Variants in CYB5R2 observed in about 807,000 individuals in gnomAD.
CYB5R2 encodes the protein NADH-cytochrome b5 reductase 2.
In CYB5R2, 35 loss-of-function variants were observed where a neutral mutation model predicts 29.8. The observed-to-expected ratio is 1.17, with a 90% CI of 0.90 to 1.56. The LOEUF (loss-of-function observed/expected upper bound fraction) is 1.56, where lower values mean the gene tolerates loss of function less well. Ranked by LOEUF, CYB5R2 falls within the 40% of genes most tolerant of loss-of-function variation. The probability of loss-of-function intolerance (pLI) is 0.00; values close to 1 mark genes in which losing one functional copy is unlikely to be tolerated. For synonymous variants in CYB5R2, 169 were observed against 130.6 expected, an observed-to-expected ratio of 1.29 and a Z score of -2.01; for missense variants, 419 against 346.7, an observed-to-expected ratio of 1.21 and a Z score of -1.66.
In CYB5R2 at chr11:7,672,903, A is replaced by G; in HGVS notation, c.-66-12T>C. 1 of 1,608,012 alleles carries G rather than the reference A, an allele frequency of 6.2e-7. No individual in the cohort carries two copies. Among genetic ancestry groups the G allele is most frequent in the East Asian group, 2.2e-5 (1 of 44,638 alleles). ...AGCAGGGACGGGTCCTGGCAGACACAATGTGAACAGAGCACCTCAGGTCTT... is the reference window on the plus strand; with the variant it reads ...AGCAGGGACGGGTCCTGGCAGACACGATGTGAACAGAGCACCTCAGGTCTT... On this transcript the variant is annotated splice_polypyrimidine_tract_variant and intron_variant, in intron 1 of 8. Transcript: ENST00000299498.
rs74051972 is a variant in CYB5R2, at chr11:7,673,120, C to T, written c.-66-229G>A. 645 of 458,020 alleles carry T rather than the reference C, an allele frequency of 1.4e-3. 6 individuals are homozygous for T. The highest frequency in any genetic ancestry group is 0.012 in the African/African-American group (605 of 50,046). The allele number at this position is 458,020 out of a possible 1,614,324, so 28.4% of individuals were successfully genotyped here. On this transcript the variant is annotated intron_variant, in intron 1 of 8. Transcript: ENST00000299498. Reference sequence around the variant, plus strand: ...GTCACACAGGAAGGATGTTTCAGGCCCCTGGAGCAGGCAGCACACATGGCC... The same window carrying T: ...GTCACACAGGAAGGATGTTTCAGGCTCCTGGAGCAGGCAGCACACATGGCC...
intron 3 of CYB5R2, chr11:7,672,152 T>TC: frequency 2.7e-6 from 1 of 375,964 alleles, no homozygotes; most frequent in South Asian, 5.8e-5. Flanking sequence ...TTGAAGGACT[T>TC]CCCTTAAGTT....
At chr11:7,674,075 C>T, upstream of CYB5R2, 1 of 1,192,480 alleles carries the variant, frequency 8.4e-7, no homozygotes. Flanking sequence ...CTTCCCTGCA[C>T]ACGCAGAGCT....
chr11:7,669,565 C>T (rs1855593818), intron 4 of CYB5R2, 60 bp downstream of exon 4: 2 of 1,397,308 alleles, frequency 1.4e-6, no homozygotes. Context: ...GCCCCTCCAC[C>T]CCACCACCCT....
intron 5 of CYB5R2, 87 bp downstream of exon 5, chr11:7,669,118 T>G: frequency 6.5e-7 from 1 of 1,539,772 alleles, no homozygotes; most frequent in Non-Finnish European, 9.0e-7. Flanking sequence ...CCCATGTGAC[T>G]CAAATCTGAG....
At chr11:7,668,414 G>A in intron 6 of CYB5R2, 64 bp downstream of exon 6, 1 of 1,261,128 alleles carries the variant, frequency 7.9e-7, no homozygotes, top group Non-Finnish European at 1.2e-6. Flanking sequence ...AGGATCAAAT[G>A]ACTCCCAAGT....
At chr11:7,665,577 A>G in intron 8 of CYB5R2, 31 bp from the exon 9 acceptor site, 1 of 1,571,884 alleles carries the variant, frequency 6.4e-7, no homozygotes, top group Non-Finnish European at 8.6e-7. Flanking sequence ...GAGCAAGCTG[A>G]GCGATGCCAG....
intron 1 of CYB5R2, 63 bp downstream of exon 1, chr11:7,673,356 G>GGCGAAGGGGGCCTGGGCACTCAACTGCCA: frequency 9.9e-7 from 1 of 1,009,636 alleles, no homozygotes; most frequent in Non-Finnish European, 1.2e-6. Flanking sequence ...TCCTGGACAG[G>GGCGAAGGGGGCCTGGGCACTCAACTGCCA]GCGAAGGGGG....
At chr11:7,673,722 A>C, upstream of CYB5R2, 1 of 985,876 alleles carries the variant, frequency 1.0e-6, no homozygotes. Context: ...ACCCACCCGG[A>C]GTGAGACGCC....
At chr11:7,672,171 A>G in intron 3 of CYB5R2, 1 of 411,528 alleles carries the variant, frequency 2.4e-6, no homozygotes, top group East Asian at 3.8e-5. Flanking sequence ...TTCCCCAGCA[A>G]GGAGCCTTCC....
rs529741408 is a variant in CYB5R2, at chr11:7,665,836, T to G, written c.659-290A>C. The G allele has an allele frequency of 1.1e-5, 17 of 1,534,892 alleles. No individual in the cohort carries two copies. In the South Asian group the frequency reaches 1.4e-4, roughly 13 times the overall value. On this transcript the variant is annotated intron_variant, in intron 8 of 8. Coordinates refer to ENST00000299498, the MANE Select transcript of CYB5R2 (RefSeq NM_016229.5). ...ACACAACGAGGTATACCGAGGTGTG[T>G]GAATCAGTACAGCCAGCTGGAGTTG...
chr11:7,666,499 G>A lies in CYB5R2; in HGVS notation c.610C>T (p.His204Tyr), dbSNP rs776259358. 1.2e-6 allele frequency: 2 copies of A among 1,613,542 alleles called. No homozygotes were observed. Among genetic ancestry groups the A allele is most frequent in the South Asian group, 1.1e-5 (1 of 91,052 alleles). The change falls in exon 8 of 9, where the codon CAC (histidine) becomes TAC (tyrosine). Residue 204 changes from histidine (H) to tyrosine (Y), a missense_variant. Physicochemically the swap from His to Tyr is moderately conservative, Grantham distance 83. Coordinates refer to ENST00000299498, the MANE Select transcript of CYB5R2 (RefSeq NM_016229.5). ...RKELEEIART[H>Y]PDQFNLWYTL... ...TACCACAGGTTGAACTGGTCTGGGT[G>A]AGTCCTGGCAATTTCTTCAAGCTCT...
At chr11:7,670,646 G>T (rs1855672011) in intron 3 of CYB5R2, 2 of 152,170 alleles carry the variant, frequency 1.3e-5, no homozygotes, top group African/African-American at 2.4e-5. Context: ...TGCCCTTCCT[G>T]GGTAGAATTC....
intron 2 of CYB5R2, 60 bp downstream of exon 2, chr11:7,672,688 G>A (rs1003146820): frequency 1.9e-6 from 3 of 1,601,156 alleles, no homozygotes; most frequent in African/African-American, 2.7e-5. Context: ...CTGTCTGGAT[G>A]CCCTGCCATC....
At position 7,665,474 on chromosome 11, in the gene CYB5R2, G is replaced by A. The variant is rs138280283; in HGVS notation, c.731C>T (p.Thr244Met). Residue 244 changes from threonine to methionine, a missense_variant, in exon 9 of 9, where the codon ACG becomes ATG. Transcript: ENST00000299498. ...TGGCGGGCCACACACCAGGATGAGC[G>A]TGGACTTCGCTGGAGGAGGAAGGTG... Reference protein sequence around the residue: ...KEHLPPPAKSTLILVCGPPPL... With the variant: ...KEHLPPPAKSMLILVCGPPPL... 1.7e-4 allele frequency: 274 copies of A among 1,613,862 alleles called. No individual in the cohort carries two copies. Among genetic ancestry groups the A allele is most frequent in the Admixed American group, 2.0e-4 (12 of 59,976 alleles).
In CYB5R2 at chr11:7,666,569, T is replaced by C. The variant is rs1855248536; in HGVS notation, c.559-19A>G. 4 of 1,584,410 alleles carry C rather than the reference T, an allele frequency of 2.5e-6. No individual in the cohort carries two copies. The highest frequency in any genetic ancestry group is 3.5e-6 in the Non-Finnish European group (4 of 1,153,470). On this transcript the variant is annotated intron_variant, in intron 7 of 8. Coordinates refer to ENST00000299498, the MANE Select transcript of CYB5R2 (RefSeq NM_016229.5). ...CCTCTGTCTAGAAAAGAAGCAACAC[T>C]GAAAAAGCCCCTCCAGGGCCATCCT...
chr11:7,669,883 G>A, intron 3 of CYB5R2, 152 bp from the exon 4 acceptor site: 1 of 635,766 alleles, frequency 1.6e-6, no homozygotes, highest in South Asian at 1.9e-5. Context: ...ACCCAAATAT[G>A]GGATGCCCGG....
rs1855532523 is a variant in CYB5R2 at position 7,668,828 on chromosome 11, G to C, written c.389-267C>G. On this transcript the variant is annotated intron_variant, in intron 5 of 8. Transcript: ENST00000299498. ...AGAGGGGCAAGCTGAAGTTAACACA[G>C]AGACTCAAAGAGCATTCTCACTCAC... 9 of 584,660 alleles carry C rather than the reference G, an allele frequency of 1.5e-5. No homozygotes were observed. In the Admixed American group the frequency reaches 2.7e-4, roughly 17 times the overall value. 36.2% of individuals were successfully genotyped at this position (584,660 alleles called of 1,614,324 possible). A position where few individuals can be genotyped will look rare whatever the true frequency, so the allele number is the denominator to read the frequency against.
rs1302824774 is a variant in CYB5R2, at chr11:7,669,242, A to T, written c.351T>A (p.Phe117Leu). Residue 117 changes from phenylalanine (F) to leucine (L), a missense_variant, in exon 5 of 9, where the codon TTT becomes TTA. Physicochemically the swap from Phe to Leu is conservative, Grantham distance 22 (BLOSUM62 0). Coordinates refer to ENST00000299498, the MANE Select transcript of CYB5R2 (RefSeq NM_016229.5). Reference sequence around the variant, plus strand: ...AAAACAAGCGTCCCCTTGGCCCTCGAAAAAAGATGGTCTCCCCGATTTTCA... The same window carrying T: ...AAAACAAGCGTCCCCTTGGCCCTCGTAAAAAGATGGTCTCCCCGATTTTCA... ...ENMKIGETIF[F>L]RGPRGRLFYH... The T allele has an allele frequency of 1.4e-5, 23 of 1,614,058 alleles. No homozygotes were observed. Among genetic ancestry groups the T allele is most frequent in the Non-Finnish European group, 1.8e-5 (21 of 1,180,020 alleles).
Sources: allele counts gnomAD v4.1 joint callset, GRCh38; gene constraint gnomAD v4.1.1; transcripts MANE v1.5; gene names NCBI Gene and HGNC (gene_info 2026-07-23, HGNC 2026-07-21).